Variants in FDCSP observed in about 807,000 individuals in gnomAD.
FDCSP encodes the protein follicular dendritic cell secreted protein.
A neutral mutation model predicts 8.9 loss-of-function variants in FDCSP; 8 were observed. The ratio of observed to expected loss-of-function variants is 0.90; its 90% CI spans 0.53 to 1.63. FDCSP has a LOEUF of 1.63. Ranked by LOEUF, FDCSP falls within the 40% of genes most tolerant of loss-of-function variation. FDCSP has a pLI of 0.00. For synonymous variants in FDCSP, 34 were observed against 34.5 expected, an observed-to-expected ratio of 0.98 and a Z score of 0.06; for missense variants, 101 against 103.6, an observed-to-expected ratio of 0.98 and a Z score of 0.11.
Position 70,233,045 on chromosome 4 carries a change from T to C in FDCSP, c.90+19T>C. 1 of 1,585,322 alleles carries C rather than the reference T, an allele frequency of 6.3e-7. No homozygotes were observed. Among genetic ancestry groups the C allele is most frequent in the Non-Finnish European group, 8.6e-7 (1 of 1,163,996 alleles). On this transcript the variant is annotated intron_variant, in intron 3 of 4. Transcript: ENST00000317987. ...AAGAAGTGTAAGTTACCTTTTCTCTTTTTTACATGTAAGTTTTACACGTGA... is the reference window on the plus strand; with the variant it reads ...AAGAAGTGTAAGTTACCTTTTCTCTCTTTTACATGTAAGTTTTACACGTGA...
intron 2 of FDCSP, among the ~76,000 whole-genome samples, chr4:70,231,601 G>T (rs532897014): frequency 6.6e-6 from 1 of 151,746 alleles, no homozygotes; most frequent in African/African-American, 2.4e-5. Context: ...CCTACCCTCT[G>T]CCAGTCATAT....
At chr4:70,228,525 G>T (rs758202856) in intron 1 of FDCSP, among the ~76,000 whole-genome samples, 5 of 151,770 alleles carry the variant, frequency 3.3e-5, no homozygotes, top group Non-Finnish European at 7.4e-5. Context: ...TGGTCTTAAT[G>T]GCATCTGGAG....
At chr4:70,227,499 C>T (rs996198609) in intron 1 of FDCSP, among the ~76,000 whole-genome samples, 3 of 151,522 alleles carry the variant, frequency 2.0e-5, no homozygotes, top group Non-Finnish European at 3.0e-5. Flanking sequence ...CTAGAATCTC[C>T]ACTATCTCAA....
At chr4:70,234,250 A>T in intron 4 of FDCSP, 35 bp downstream of exon 4, 1 of 1,447,954 alleles carries the variant, frequency 6.9e-7, no homozygotes, top group Non-Finnish European at 9.2e-7. Flanking sequence ...AGTTTATTTT[A>T]AGTTTGCAGA....
chr4:70,234,196 G>A lies in FDCSP; in HGVS notation c.*9G>A. 1 of 1,605,718 alleles carries A rather than the reference G, an allele frequency of 6.2e-7. No homozygotes were observed. Among genetic ancestry groups the A allele is most frequent in the Non-Finnish European group, 8.5e-7 (1 of 1,175,226 alleles). Reference sequence around the variant, plus strand: ...TTCCTAGCGAAAAGTAAACAAGAAGGAAAAGTCACGATAAACCTGGTAAGT... The same window carrying A: ...TTCCTAGCGAAAAGTAAACAAGAAGAAAAAGTCACGATAAACCTGGTAAGT... On this transcript the variant is annotated 3_prime_UTR_variant, in exon 4 of 5. Transcript: ENST00000317987.
intron 2 of FDCSP, among the ~76,000 whole-genome samples, chr4:70,231,656 A>G (rs1730086010): frequency 2.6e-5 from 4 of 151,714 alleles, no homozygotes; most frequent in Admixed American, 2.6e-4. Context: ...AATAATAAAC[A>G]ACTATGTTAC....
intron 1 of FDCSP, among the ~76,000 whole-genome samples, chr4:70,228,593 C>T (rs1730026081): frequency 6.6e-6 from 1 of 151,764 alleles, no homozygotes; most frequent in Admixed American, 6.6e-5. Flanking sequence ...TCAAATAAAT[C>T]ACTATCTGTG....
At chr4:70,233,927 A>G in intron 3 of FDCSP, 93 bp from the exon 4 acceptor site, 3 of 1,207,298 alleles carry the variant, frequency 2.5e-6, no homozygotes, top group Non-Finnish European at 3.5e-6. Flanking sequence ...CCTCTTCCTA[A>G]AAATAAAGGC....
intron 4 of FDCSP, 85 bp downstream of exon 4, chr4:70,234,300 T>C: frequency 5.5e-6 from 6 of 1,100,076 alleles, no homozygotes; most frequent in Admixed American, 5.5e-5. Context: ...ATGTTAACTA[T>C]GTCCCTAGTT....
chr4:70,231,339 G>T, intron 2 of FDCSP, 88 bp downstream of exon 2: 1 of 1,063,164 alleles, frequency 9.4e-7, no homozygotes. Flanking sequence ...ACACAAGGGT[G>T]GTCCCAAAAG....
intron 2 of FDCSP, 28 bp from the exon 3 acceptor site, chr4:70,232,966 T>C: frequency 1.3e-6 from 2 of 1,575,948 alleles, no homozygotes; most frequent in Admixed American, 1.8e-5. Flanking sequence ...GAGCATGAGT[T>C]TAATTAATTT....
intron 2 of FDCSP, 123 bp from the exon 3 acceptor site, chr4:70,232,871 G>A (rs190368153): frequency 2.5e-5 from 21 of 835,062 alleles, no homozygotes; most frequent in African/African-American, 2.3e-4. Flanking sequence ...GACAAATTAT[G>A]GGTATTTTAA....
At position 70,233,993 on chromosome 4, in the gene FDCSP, A is replaced by G. The variant is rs1259886900; in HGVS notation, c.91-27A>G. 3 of 1,561,802 alleles carry G rather than the reference A, an allele frequency of 1.9e-6. No homozygotes were observed. In the South Asian group the frequency reaches 3.7e-5, roughly 19 times the overall value. On this transcript the variant is annotated intron_variant, in intron 3 of 4. Coordinates refer to ENST00000317987, the MANE Select transcript of FDCSP (RefSeq NM_152997.4). ...TCTCTTCTTTGTAAAAAGTGAAATA[A>G]ACCCTTTAACTTCTTTCTTTCAACA...
chr4:70,233,097 T>C (rs1263705418), intron 3 of FDCSP, 71 bp downstream of exon 3: 8 of 1,341,942 alleles, frequency 6.0e-6, no homozygotes, highest in African/African-American at 6.0e-5. Context: ...GTTAAAGATA[T>C]TGATTTATCT....
At chr4:70,227,668 T>C (rs980413651) in intron 1 of FDCSP, among the ~76,000 whole-genome samples, 1 of 151,520 alleles carries the variant, frequency 6.6e-6, no homozygotes, top group Admixed American at 6.6e-5. Context: ...AAACTGATAT[T>C]ACAGGCAAAC....
At chr4:70,231,370 T>G in intron 2 of FDCSP, 119 bp downstream of exon 2, 2 of 762,412 alleles carry the variant, frequency 2.6e-6, no homozygotes, top group Non-Finnish European at 4.1e-6. Flanking sequence ...AGCTACCAAG[T>G]GCAGTGGCTT....
At chr4:70,226,961 A>C (rs1474317965) in intron 1 of FDCSP, among the ~76,000 whole-genome samples, 2 of 151,878 alleles carry the variant, frequency 1.3e-5, no homozygotes, top group Non-Finnish European at 2.9e-5. Flanking sequence ...GCCCTGCTTG[A>C]ATTCTATTCT....
intron 1 of FDCSP, among the ~76,000 whole-genome samples, chr4:70,226,775 G>C (rs1729993899): frequency 1.3e-5 from 2 of 151,810 alleles, no homozygotes; most frequent in South Asian, 2.1e-4. Flanking sequence ...GCAATAAACT[G>C]CTATGGGTAT....
chr4:70,233,940 A>G (rs1180634923), intron 3 of FDCSP, 80 bp from the exon 4 acceptor site: 5 of 1,354,532 alleles, frequency 3.7e-6, no homozygotes, highest in Non-Finnish European at 5.0e-6. Flanking sequence ...ATAAAGGCCC[A>G]TTATTTAAAA....
Sources: gnomAD v4.1 joint callset for allele counts (sites outside exome capture counted in the v4.1 genomes callset) on GRCh38, gnomAD v4.1.1 for gene constraint, MANE v1.5 for transcripts, NCBI Gene and HGNC (gene_info 2026-07-23, HGNC 2026-07-21) for gene names.